The following DPP6 variants were observed in gnomAD, a reference collection of about 807,000 sequenced individuals.
DPP6 encodes the protein dipeptidyl peptidase like 6.
A neutral mutation model predicts 122.6 loss-of-function variants in DPP6; 69 were observed. The observed-to-expected ratio is 0.56, with a 90% CI of 0.46 to 0.69. The LOEUF is 0.69. Ranked by LOEUF, DPP6 falls within the 30% of genes least tolerant of loss-of-function variation. The probability of loss-of-function intolerance (pLI) is 0.00; values close to 1 mark genes in which losing one functional copy is unlikely to be tolerated. For missense variants in DPP6, 928 were observed against 1,116.9 expected, an observed-to-expected ratio of 0.83 and a Z score of 2.41; for synonymous variants, 418 against 433.1, an observed-to-expected ratio of 0.97 and a Z score of 0.43.
intron 1 of DPP6, among the ~76,000 whole-genome samples, chr7:153,911,026 G>A (rs1236457353): frequency 2.0e-5 from 3 of 152,160 alleles, no homozygotes; most frequent in African/African-American, 7.2e-5. Context: ...GATCGTTTTA[G>A]ACACGGGTCA....
chr7:154,861,134 A>G lies in DPP6; in HGVS notation c.1715-6861A>G, dbSNP rs73728615. Among the ~76,000 whole-genome samples the G allele has an allele frequency of 8.4e-3, 1,285 of 152,288 alleles. 24 individuals carry two copies. Among genetic ancestry groups the G allele is most frequent in the African/African-American group, 0.029 (1,219 of 41,550 alleles). ...AAGGAGCAATTTGGTGGCCAAAGAG[A>G]GAAAGTCTCATTATAAAGTGGCCTT... On this transcript the variant is annotated intron_variant, in intron 17 of 25. Coordinates refer to ENST00000377770, the MANE Select transcript of DPP6 (RefSeq NM_130797.4).
chr7:154,523,734 C>T (rs1264480528), intron 3 of DPP6, among the ~76,000 whole-genome samples: 1 of 152,156 alleles, frequency 6.6e-6, no homozygotes. Context: ...CTCCTGCATT[C>T]CGCACTTGAC....
In DPP6 at chr7:154,860,135, A is replaced by G. The variant is rs140293104; in HGVS notation, c.1714+6308A>G. On this transcript the variant is annotated intron_variant, in intron 17 of 25. Transcript: ENST00000377770. ...CCAGGTGGGTCCATGAAGCAACGCCAGATGCAGTTGGTTTCCAGCCTCTGT... is the reference window on the plus strand; with the variant it reads ...CCAGGTGGGTCCATGAAGCAACGCCGGATGCAGTTGGTTTCCAGCCTCTGT... Among the ~76,000 whole-genome samples, 335 of 152,300 alleles carry G rather than the reference A, an allele frequency of 2.2e-3. 1 individual carries two copies. Among genetic ancestry groups the G allele is most frequent in the East Asian group, 7.9e-3 (41 of 5,176 alleles).
chr7:154,427,482 T>G (rs182669434), intron 1 of DPP6, among the ~76,000 whole-genome samples: 57 of 152,332 alleles, frequency 3.7e-4, no homozygotes, highest in African/African-American at 1.3e-3. Context: ...AACCTTCAAC[T>G]GTCAGAAGAG....
In DPP6 at chr7:154,672,767, G is replaced by A. The variant is rs147714468; in HGVS notation, c.762+3326G>A. Among the ~76,000 whole-genome samples the A allele has an allele frequency of 1.5e-3, 233 of 152,312 alleles. 1 individual carries two copies. The highest frequency in any genetic ancestry group is 5.3e-3 in the African/African-American group (221 of 41,578). ...GCTCATTGTTGAGTGAGTACCCTAT[G>A]TGCTGGAGCAGGGGCCGCCTTCTTC... On this transcript the variant is annotated intron_variant, in intron 7 of 25. Transcript: ENST00000377770.
At chr7:154,690,321 C>T (rs1399643674) in intron 7 of DPP6, among the ~76,000 whole-genome samples, 6 of 152,094 alleles carry the variant, frequency 3.9e-5, no homozygotes, top group South Asian at 2.1e-4. Context: ...GAACCAATGT[C>T]GGCCTTCCCT....
intron 1 of DPP6, among the ~76,000 whole-genome samples, chr7:153,951,493 C>T (rs1024017784): frequency 2.6e-5 from 4 of 152,292 alleles, no homozygotes; most frequent in African/African-American, 7.2e-5. Context: ...GAATGTGTCA[C>T]CCTCCTCAAA....
intron 6 of DPP6, among the ~76,000 whole-genome samples, chr7:154,669,115 GTATTTACTA>G (rs1396108314): frequency 2.6e-5 from 4 of 152,140 alleles, no homozygotes; most frequent in African/African-American, 9.7e-5. Flanking sequence ...CTCTTAATGA[GTATTTACTA>G]TTTGGGTTAA....
intron 1 of DPP6, among the ~76,000 whole-genome samples, chr7:154,371,153 G>A (rs112148015): frequency 0.076 from 11,488 of 151,972 alleles, 1,034 homozygotes; most frequent in African/African-American, 0.22. Flanking sequence ...TGAGGTGGGC[G>A]GATCGCTTGA....
intron 3 of DPP6, among the ~76,000 whole-genome samples, chr7:154,519,332 C>T (rs1370754956): frequency 6.6e-6 from 1 of 152,220 alleles, no homozygotes; most frequent in Non-Finnish European, 1.5e-5. Flanking sequence ...CAGACAGCCC[C>T]CTGGAGCCAG....
intron 1 of DPP6, among the ~76,000 whole-genome samples, chr7:154,372,557 A>G (rs186315728): frequency 6.6e-6 from 1 of 152,322 alleles, no homozygotes; most frequent in African/African-American, 2.4e-5. Context: ...CTATTCAGAT[A>G]TGAAGTCAAG....
At chr7:153,927,181 T>C (rs1800940860) in intron 1 of DPP6, among the ~76,000 whole-genome samples, 1 of 152,112 alleles carries the variant, frequency 6.6e-6, no homozygotes, top group Admixed American at 6.6e-5. Context: ...GGCGTGGTGC[T>C]GTACTCCTGT....
chr7:153,947,782 T>C (rs1195879195), intron 1 of DPP6, among the ~76,000 whole-genome samples: 1 of 152,146 alleles, frequency 6.6e-6, no homozygotes, highest in African/African-American at 2.4e-5. Context: ...CCTTTGGAGA[T>C]GGGGATGCTG....
chr7:154,290,437 A>T, intron 1 of DPP6, among the ~76,000 whole-genome samples: 1 of 148,604 alleles, frequency 6.7e-6, no homozygotes, highest in African/African-American at 2.5e-5. Flanking sequence ...CCCTTCGTGG[A>T]TGGGCTCCTT....
upstream of DPP6, among the ~76,000 whole-genome samples, chr7:153,886,869 G>A (rs567593175): frequency 1.2e-3 from 178 of 152,194 alleles, no homozygotes; most frequent in Middle Eastern, 0.01. Flanking sequence ...TCTCGCGGGC[G>A]CAGCCGATCA....
At chr7:154,742,310 C>T (rs1207577251) in intron 8 of DPP6, among the ~76,000 whole-genome samples, 6 of 152,224 alleles carry the variant, frequency 3.9e-5, no homozygotes, top group African/African-American at 9.6e-5. Flanking sequence ...AAGATCTGGA[C>T]CTGCCTTCAC....
intron 1 of DPP6, among the ~76,000 whole-genome samples, chr7:154,425,308 C>A (rs759214624): frequency 1.3e-5 from 2 of 152,186 alleles, no homozygotes; most frequent in Non-Finnish European, 2.9e-5. Context: ...AAATTAGATA[C>A]TCCTAAAGTG....
the DPP6 span, among the ~76,000 whole-genome samples, chr7:153,811,462 G>A: frequency 6.6e-6 from 1 of 152,180 alleles, no homozygotes; most frequent in Non-Finnish European, 1.5e-5. Flanking sequence ...GGGGAGGGCA[G>A]GACACATCAA....
chr7:154,519,140 T>A (rs1291778927), intron 3 of DPP6, among the ~76,000 whole-genome samples: 1 of 152,246 alleles, frequency 6.6e-6, no homozygotes, highest in Non-Finnish European at 1.5e-5. Flanking sequence ...CTAGACTTTC[T>A]CTAATAATAC....
Sources: allele counts gnomAD v4.1 joint callset (sites outside exome capture counted in the v4.1 genomes callset), GRCh38; gene constraint gnomAD v4.1.1; transcripts MANE v1.5; gene names NCBI Gene and HGNC (gene_info 2026-07-23, HGNC 2026-07-21).